Variants in RAD51B observed in about 807,000 individuals in gnomAD.
RAD51B encodes the protein RAD51 paralog B, also known as DNA repair protein RAD51 homolog 2.
RAD51B carries 38 observed loss-of-function variants against 42.2 expected under a neutral mutation model. The observed-to-expected ratio is 0.90, with a 90% CI of 0.70 to 1.18. The LOEUF (loss-of-function observed/expected upper bound fraction) is 1.18, where lower values mean the gene tolerates loss of function less well. Among genes scored for constraint, RAD51B ranks in the 50% most tolerant of loss-of-function variants. RAD51B has a pLI of 0.00. For missense variants in RAD51B, 373 were observed against 400.7 expected, an observed-to-expected ratio of 0.93 and a Z score of 0.59; for synonymous variants, 154 against 145.2, an observed-to-expected ratio of 1.06 and a Z score of -0.43.
At chr14:68,138,275 A>G (rs1428661884) in intron 7 of RAD51B, among the ~76,000 whole-genome samples, 2 of 152,126 alleles carry the variant, frequency 1.3e-5, no homozygotes, top group Non-Finnish European at 2.9e-5. Flanking sequence ...TGGCAGTTAA[A>G]ATTTCTGGGT....
intron 8 of RAD51B, among the ~76,000 whole-genome samples, chr14:68,364,628 A>G (rs1392695014): frequency 6.6e-6 from 1 of 152,004 alleles, no homozygotes; most frequent in Non-Finnish European, 1.5e-5. Context: ...CGCTGTGGCA[A>G]CAAGGGGGAC....
chr14:68,442,502 G>A (rs375657567), intron 9 of RAD51B, among the ~76,000 whole-genome samples: 158 of 142,768 alleles, frequency 1.1e-3, no homozygotes, highest in Middle Eastern at 3.6e-3. Flanking sequence ...GAGCAGTGGC[G>A]CGATTTCAGC....
chr14:68,674,621 A>C (rs933366238), intron 11 of RAD51B, among the ~76,000 whole-genome samples: 4 of 152,186 alleles, frequency 2.6e-5, no homozygotes, highest in Admixed American at 6.5e-5. Context: ...AGAAAAAGTG[A>C]AAATCATGCA....
At chr14:68,342,037 C>T (rs1412556388) in intron 8 of RAD51B, among the ~76,000 whole-genome samples, 2 of 152,084 alleles carry the variant, frequency 1.3e-5, no homozygotes, top group African/African-American at 4.8e-5. Context: ...ACTCTAATTC[C>T]CTAGGTTACA....
rs117841104 is a variant in RAD51B at position 68,625,404 on chromosome 14, C to T, written c.1037-25377C>T. Among the ~76,000 whole-genome samples the T allele has an allele frequency of 5.5e-3, 842 of 152,292 alleles. 1 individual carries two copies. Among genetic ancestry groups the T allele is most frequent in the Middle Eastern group, 0.024 (7 of 294 alleles). ...GAATGAAGGACCGCCTCCCAAGCTG[C>T]CCTCATCCTGCTTTTCTCCTCCCTC... On this transcript the variant is annotated intron_variant, in intron 10 of 11. Transcript: ENST00000488612.
intron 7 of RAD51B, among the ~76,000 whole-genome samples, chr14:68,007,801 C>G (rs778470936): frequency 6.6e-6 from 1 of 151,656 alleles, no homozygotes; most frequent in Non-Finnish European, 1.5e-5. Context: ...TGAAGTGTTC[C>G]TTTATGTTAA....
At chr14:68,255,588 G>C (rs1214401060) in intron 7 of RAD51B, among the ~76,000 whole-genome samples, 2 of 152,146 alleles carry the variant, frequency 1.3e-5, no homozygotes, top group African/African-American at 4.8e-5. Flanking sequence ...AGATTAGTTC[G>C]AAAGTATATA....
At chr14:68,392,529 C>A (rs2083788656) in intron 8 of RAD51B, among the ~76,000 whole-genome samples, 1 of 152,194 alleles carries the variant, frequency 6.6e-6, no homozygotes, top group Non-Finnish European at 1.5e-5. Context: ...ATGATTTGAT[C>A]CCCACTGGGT....
At chr14:68,651,922 G>A (rs1892707979) in intron 11 of RAD51B, among the ~76,000 whole-genome samples, 1 of 152,138 alleles carries the variant, frequency 6.6e-6, no homozygotes, top group Non-Finnish European at 1.5e-5. Context: ...TGCTGTGGTA[G>A]ACAGGCCACC....
intron 10 of RAD51B, among the ~76,000 whole-genome samples, chr14:68,538,536 A>G (rs1483794481): frequency 1.3e-5 from 2 of 151,974 alleles, no homozygotes; most frequent in African/African-American, 2.4e-5. Flanking sequence ...GACATATGAT[A>G]TGGGGCCTCC....
intron 7 of RAD51B, among the ~76,000 whole-genome samples, chr14:68,097,923 A>G (rs1376239241): frequency 6.6e-6 from 1 of 152,122 alleles, no homozygotes; most frequent in Non-Finnish European, 1.5e-5. Flanking sequence ...ACTTTGTTGC[A>G]TCATCACGTG....
intron 7 of RAD51B, among the ~76,000 whole-genome samples, chr14:68,172,737 C>T (rs1345940121): frequency 1.3e-5 from 2 of 152,104 alleles, no homozygotes; most frequent in Non-Finnish European, 2.9e-5. Flanking sequence ...TTCTTTTAAC[C>T]ACTGATGGCT....
chr14:68,263,817 C>T (rs182855436), intron 7 of RAD51B, among the ~76,000 whole-genome samples: 1 of 152,110 alleles, frequency 6.6e-6, no homozygotes, highest in Non-Finnish European at 1.5e-5. Context: ...TAAATAAGCA[C>T]TAATGGCAAA....
At chr14:68,624,294 G>A (rs576661359) in intron 10 of RAD51B, among the ~76,000 whole-genome samples, 1 of 152,250 alleles carries the variant, frequency 6.6e-6, no homozygotes, top group South Asian at 2.1e-4. Flanking sequence ...ATACTTAGGG[G>A]CAAGGGCAGT....
intron 7 of RAD51B, among the ~76,000 whole-genome samples, chr14:68,183,046 G>T (rs532640384): frequency 6.6e-6 from 1 of 152,230 alleles, no homozygotes; most frequent in Admixed American, 6.5e-5. Flanking sequence ...GACTTAATTT[G>T]TTCTCATCTT....
intron 7 of RAD51B, among the ~76,000 whole-genome samples, chr14:67,952,113 T>C (rs974138000): frequency 1.3e-5 from 2 of 152,140 alleles, no homozygotes; most frequent in African/African-American, 2.4e-5. Context: ...TTCTTGCTTA[T>C]GTTAGCAACA....
chr14:68,542,780 T>G, intron 10 of RAD51B, among the ~76,000 whole-genome samples: 1 of 152,242 alleles, frequency 6.6e-6, no homozygotes, highest in East Asian at 1.9e-4. Context: ...GCATCCTATT[T>G]CGAGACCAGA....
intron 9 of RAD51B, among the ~76,000 whole-genome samples, chr14:68,460,218 G>A (rs1262682133): frequency 6.6e-6 from 1 of 152,092 alleles, no homozygotes; most frequent in Non-Finnish European, 1.5e-5. Context: ...TTGGGAGGCT[G>A]AAGCAGGTGG....
At position 68,017,970 on chromosome 14, in the gene RAD51B, G is replaced by GAATAAATAAATA. The variant is rs148672009; in HGVS notation, c.756+130786_756+130797dup. 2.7e-3 allele frequency among the ~76,000 whole-genome samples: 398 copies of GAATAAATAAATA among 149,442 alleles called. 2 individuals carry two copies. Among genetic ancestry groups the GAATAAATAAATA allele is most frequent in the South Asian group, 8.9e-3 (42 of 4,698 alleles). On this transcript the variant is annotated intron_variant, in intron 7 of 10. Coordinates refer to ENST00000471583, the MANE Select transcript of RAD51B (RefSeq NM_133510.4). ...TAGTGACAGAGCAAGACTCCGTCTC[G>GAATAAATAAATA]AATAAATAAATAAATAAATAAATAA... is the stretch of plus-strand genomic sequence containing the variant.
Sources: gnomAD v4.1 joint callset for allele counts (sites outside exome capture counted in the v4.1 genomes callset) on GRCh38, gnomAD v4.1.1 for gene constraint, MANE v1.5 for transcripts, NCBI Gene and HGNC (gene_info 2026-07-23, HGNC 2026-07-21) for gene names.